PSMA8: variants seen among roughly 807,000 people sequenced by gnomAD.
PSMA8 encodes proteasome 20S subunit alpha 8.
PSMA8 carries 18 observed loss-of-function variants against 32.4 expected under a neutral mutation model. The observed-to-expected ratio is 0.56, with a 90% CI of 0.38 to 0.82. PSMA8 has a LOEUF of 0.82. PSMA8 is among the 40% of genes least tolerant of loss of function. PSMA8 has a pLI of 0.00. For missense variants in PSMA8, 298 were observed against 300.7 expected (o/e 0.99, Z 0.07); for synonymous variants, 104 against 98.1 (o/e 1.06, Z -0.36).
At chr18:26,135,149 T>A (rs1047736438) in intron 1 of PSMA8, among the ~76,000 whole-genome samples, 2 of 152,218 alleles carry the variant, frequency 1.3e-5, no homozygotes, top group African/African-American at 4.8e-5. Flanking sequence ...GGAGTAATAC[T>A]GCTGCCAAGT....
At chr18:26,157,903 G>A (rs900149998) in intron 3 of PSMA8, among the ~76,000 whole-genome samples, 4 of 152,092 alleles carry the variant, frequency 2.6e-5, no homozygotes, top group African/African-American at 9.7e-5. Flanking sequence ...AAGACTATAT[G>A]TAAATAAACT....
chr18:26,184,502 G>A lies in PSMA8; in HGVS notation c.660+5372G>A, dbSNP rs2144354884. On this transcript the variant is annotated intron_variant, in intron 6 of 6. Coordinates refer to ENST00000415576, the MANE Select transcript of PSMA8 (RefSeq NM_001025096.2). ...TAGAAGTTGTTTTTGGCCGGGCGCG[G>A]TGGCTCACGCTTGCAATCTCAGCAC... Among the ~76,000 whole-genome samples the A allele has an allele frequency of 1.3e-5, 2 of 150,332 alleles. 1 individual carries two copies. The highest frequency in any genetic ancestry group is 4.0e-4 in the East Asian group (2 of 5,038).
At chr18:26,186,832 T>C (rs1033837105) in intron 6 of PSMA8, among the ~76,000 whole-genome samples, 2 of 152,178 alleles carry the variant, frequency 1.3e-5, no homozygotes, top group African/African-American at 2.4e-5. Flanking sequence ...TTTAAAGACA[T>C]AGCTGAGCTT....
chr18:26,134,340 GGTGTGTGTGTGTGTGTGTGTGTGTCTCT>G (rs1303104364), intron 1 of PSMA8, among the ~76,000 whole-genome samples: 8 of 135,108 alleles, frequency 5.9e-5, no homozygotes, highest in African/African-American at 2.7e-4. Context: ...TGTGTGTGTG[GGTGTGTGTGTGTGTGTGTGTGTGTCTCT>G]GTGTGTGTGT....
chr18:26,191,911 A>G lies in PSMA8; in HGVS notation c.661-408A>G, dbSNP rs16942191. The stretch of plus-strand genomic sequence containing the variant: ...AGCATAAATTATCTTTTCCCATTTC[A>G]TTTCGCTATTCTATAAACTGATCAA... On this transcript the variant is annotated intron_variant, in intron 6 of 6. Transcript: ENST00000415576. 9.5e-3 allele frequency among the ~76,000 whole-genome samples: 1,445 copies of G among 152,346 alleles called. 21 individuals are homozygous for G. The highest frequency in any genetic ancestry group is 0.033 in the African/African-American group (1,387 of 41,584).
chr18:26,183,484 T>C (rs1268824715), intron 6 of PSMA8, among the ~76,000 whole-genome samples: 6 of 150,268 alleles, frequency 4.0e-5, no homozygotes, highest in African/African-American at 1.2e-4. Context: ...CTTTCAGGAG[T>C]TCAAGACTTT....
intron 1 of PSMA8, among the ~76,000 whole-genome samples, chr18:26,140,558 TTTCTGC>T (rs1365833278): frequency 1.3e-5 from 2 of 152,368 alleles, no homozygotes; most frequent in South Asian, 2.1e-4. Context: ...CAAATTGGTA[TTTCTGC>T]TGGGACATGG....
intron 4 of PSMA8, chr18:26,170,588 G>C: frequency 1.6e-6 from 1 of 624,240 alleles, no homozygotes; most frequent in Non-Finnish European, 2.6e-6. Context: ...ATAGAGACAA[G>C]AGTAGTGGGG....
chr18:26,134,169 G>A (rs2054889628), intron 1 of PSMA8, 102 bp downstream of exon 1: 2 of 788,288 alleles, frequency 2.5e-6, no homozygotes, highest in East Asian at 5.1e-5. Flanking sequence ...GCTCAAGAGA[G>A]GAGATTCCCA....
intron 1 of PSMA8, among the ~76,000 whole-genome samples, chr18:26,141,204 C>G (rs1336378650): frequency 6.6e-6 from 1 of 151,064 alleles, no homozygotes; most frequent in East Asian, 1.9e-4. Flanking sequence ...TATTTTTATC[C>G]CTTTTTGTAC....
At chr18:26,143,734 T>A (rs547242549) in intron 1 of PSMA8, among the ~76,000 whole-genome samples, 92 of 152,318 alleles carry the variant, frequency 6.0e-4, no homozygotes, top group African/African-American at 1.7e-3. Flanking sequence ...ACTTTCTTTT[T>A]TTTTTGAGCT....
chr18:26,163,737 T>C (rs1373773309), intron 4 of PSMA8, among the ~76,000 whole-genome samples: 2 of 152,208 alleles, frequency 1.3e-5, no homozygotes, highest in African/African-American at 4.8e-5. Context: ...AATAAAGTGA[T>C]GTAGAAAGCC....
In PSMA8 at chr18:26,171,214, A is replaced by T. The variant is rs1480492607; in HGVS notation, c.478-7616A>T. On this transcript the variant is annotated intron_variant, in intron 4 of 6. Coordinates refer to ENST00000415576, the MANE Select transcript of PSMA8 (RefSeq NM_001025096.2). ...CTGAATTCATTCCTGAGCGGTGGCC[A>T]GGGCAGGTCCCCGTTCTTGCCGATG... is the stretch of plus-strand genomic sequence containing the variant. 1.5e-5 allele frequency: 23 copies of T among 1,559,368 alleles called. 3 individuals are homozygous for T. The highest frequency in any genetic ancestry group is 2.0e-5 in the Non-Finnish European group (23 of 1,170,562).
At chr18:26,153,658 G>A (rs1316121197) in intron 3 of PSMA8, among the ~76,000 whole-genome samples, 2 of 152,100 alleles carry the variant, frequency 1.3e-5, no homozygotes, top group African/African-American at 4.8e-5. Flanking sequence ...ATGTACTCAA[G>A]TGGTTAAGAG....
Position 26,156,156 on chromosome 18 carries a change from C to T in PSMA8, c.355-1966C>T, listed in dbSNP as rs183701860. 7.5e-4 allele frequency among the ~76,000 whole-genome samples: 114 copies of T among 152,226 alleles called. No individual in the cohort carries two copies. The Middle Eastern group carries it at 0.027, about 36-fold the overall frequency. On this transcript the variant is annotated intron_variant, in intron 3 of 6. Coordinates refer to ENST00000415576, the MANE Select transcript of PSMA8 (RefSeq NM_001025096.2). ...TCAAAAAGACAAAAAATAACAAATG[C>T]TGGCAAGGATACAGAGAAAGGGGAA...
intron 1 of PSMA8, among the ~76,000 whole-genome samples, chr18:26,137,671 T>C (rs941252650): frequency 6.6e-6 from 1 of 152,216 alleles, no homozygotes; most frequent in Non-Finnish European, 1.5e-5. Flanking sequence ...GTTGAATACT[T>C]ACATATGCTA....
chr18:26,153,833 T>C (rs965056211), intron 3 of PSMA8, among the ~76,000 whole-genome samples: 6 of 152,196 alleles, frequency 3.9e-5, no homozygotes, highest in African/African-American at 1.2e-4. Context: ...ATAGAGTAAA[T>C]GATTTAAGAC....
chr18:26,143,222 TC>T (rs1479305224), intron 1 of PSMA8, among the ~76,000 whole-genome samples: 5 of 152,226 alleles, frequency 3.3e-5, no homozygotes, highest in Non-Finnish European at 1.5e-5. Context: ...TTGTTAGTTT[TC>T]CCCGTGTCTG....
Position 26,179,195 on chromosome 18 carries a change from G to T in PSMA8, c.660+65G>T, listed in dbSNP as rs114468957. ...AAAGTATTTTGACAAAAGTTAAAAA[G>T]TTGTTGGCCTCTAGGCTTCCGATAT... On this transcript the variant is annotated intron_variant, in intron 6 of 6. Transcript: ENST00000415576. 2,588 of 1,311,198 alleles carry T rather than the reference G, an allele frequency of 2.0e-3. 37 individuals are homozygous for T. The African/African-American group carries it at 0.034, about 17-fold the overall frequency. The allele number at this position is 1,311,198 out of a possible 1,614,324, so 81.2% of individuals were successfully genotyped here.
Sources: allele counts gnomAD v4.1 joint callset (sites outside exome capture counted in the v4.1 genomes callset), GRCh38; gene constraint gnomAD v4.1.1; transcripts MANE v1.5; gene names NCBI Gene and HGNC (gene_info 2026-07-23, HGNC 2026-07-21).